RYR2: variants seen among roughly 807,000 people sequenced by gnomAD.
RYR2 encodes cardiac muscle ryanodine receptor-calcium release channel.
A neutral mutation model predicts 601.1 loss-of-function variants in RYR2; 227 were observed. The observed-to-expected ratio is 0.38, with a 90% CI of 0.34 to 0.42. RYR2 has a LOEUF of 0.42. Among genes scored for constraint, RYR2 ranks in the 10% least tolerant of loss-of-function variants. The pLI is 1.00. For missense variants in RYR2, 4,646 were observed against 6,156.5 expected (o/e 0.75, Z 8.21); for synonymous variants, 2,223 against 2,175.1 (o/e 1.02, Z -0.61).
chr1:237,783,922 G>A lies in RYR2; in HGVS notation c.12210G>A (p.Ala4070=), dbSNP rs757703714. The change falls in exon 90 of 105, where the codon GCG becomes GCA. Residue 4070 remains alanine (A), a synonymous_variant. Coordinates refer to ENST00000366574, the MANE Select transcript of RYR2 (RefSeq NM_001035.3). ...QSETEFLLSC[A]ETDENETLDY... is the part of the protein sequence containing the mutation. The stretch of plus-strand genomic sequence containing the variant: ...AAACGGAATTTCTTTTGTCTTGTGC[G>A]GAGACGGATGAGAATGAAACCCTCG... 24 of 1,613,320 alleles carry A rather than the reference G, an allele frequency of 1.5e-5. No homozygotes were observed. Among genetic ancestry groups the A allele is most frequent in the Non-Finnish European group, 1.9e-5 (22 of 1,179,604 alleles).
intron 2 of RYR2, among the ~76,000 whole-genome samples, chr1:237,321,527 C>T (rs534079132): frequency 7.9e-5 from 12 of 152,282 alleles, no homozygotes; most frequent in African/African-American, 2.4e-4. Context: ...TAGAGGATCA[C>T]TAGGTTCGAT....
intron 25 of RYR2, among the ~76,000 whole-genome samples, chr1:237,532,919 A>G (rs761099243): frequency 3.9e-5 from 6 of 152,216 alleles, no homozygotes; most frequent in Non-Finnish European, 7.4e-5. Context: ...CAAATGGGTT[A>G]ATACATGTCC....
intron 3 of RYR2, among the ~76,000 whole-genome samples, chr1:237,344,043 G>T (rs1433631287): frequency 6.6e-6 from 1 of 151,870 alleles, no homozygotes; most frequent in African/African-American, 2.4e-5. Context: ...GGCTGGTCTC[G>T]AACTCCTTAC....
chr1:237,755,388 T>G (rs1692866515), intron 80 of RYR2, among the ~76,000 whole-genome samples: 1 of 152,218 alleles, frequency 6.6e-6, no homozygotes. Context: ...CCGTTGTGTT[T>G]ATGGACATGA....
intron 14 of RYR2, among the ~76,000 whole-genome samples, chr1:237,447,615 C>T (rs1339113711): frequency 2.0e-5 from 3 of 152,024 alleles, no homozygotes; most frequent in Admixed American, 1.3e-4. Context: ...TATTTTCTTT[C>T]TTCTTGCCTT....
chr1:237,081,859 TC>T (rs1454630143), intron 1 of RYR2, among the ~76,000 whole-genome samples: 1 of 152,012 alleles, frequency 6.6e-6, no homozygotes, highest in African/African-American at 2.4e-5. Flanking sequence ...ATCCTCAAAC[TC>T]TTCTTTCTTT....
At chr1:237,322,936 A>G (rs1217962803) in intron 2 of RYR2, among the ~76,000 whole-genome samples, 1 of 151,908 alleles carries the variant, frequency 6.6e-6, no homozygotes, top group Non-Finnish European at 1.5e-5. Flanking sequence ...AGGAACTGCA[A>G]CAGTGTTTCA....
At chr1:237,374,916 T>A (rs1167730579) in intron 7 of RYR2, 121 bp downstream of exon 7, 21 of 746,550 alleles carry the variant, frequency 2.8e-5, no homozygotes, top group Non-Finnish European at 3.9e-5. Context: ...CAGGAAAGAA[T>A]GTTCTAATGA....
At chr1:237,608,887 A>T (rs1486085477) in intron 35 of RYR2, among the ~76,000 whole-genome samples, 1 of 143,090 alleles carries the variant, frequency 7.0e-6, no homozygotes, top group Admixed American at 7.6e-5. Flanking sequence ...TCTATTGACT[A>T]TTGACTTCTA....
At position 237,649,904 on chromosome 1, in the gene RYR2, T is replaced by C; in HGVS notation, c.7540T>C (p.Leu2514=). The C allele has an allele frequency of 6.2e-7, 1 of 1,613,994 alleles. No individual in the cohort carries two copies. The highest frequency in any genetic ancestry group is 1.3e-5 in the African/African-American group (1 of 75,072). The change falls in exon 50 of 105, where the codon TTG becomes CTG. Residue 2514 remains leucine, a synonymous_variant. Transcript: ENST00000366574. ...AGCTTTGAGTGCTACAGACATGGCC[T>C]TGGCCCTCAATCGGTACCTTTGCAC... ...TAALSATDMA[L]ALNRYLCTAV...
chr1:237,745,050 C>T (rs1183625803), intron 80 of RYR2, among the ~76,000 whole-genome samples: 1 of 152,092 alleles, frequency 6.6e-6, no homozygotes, highest in African/African-American at 2.4e-5. Flanking sequence ...ATCCACCCAT[C>T]TGGGCCTCCC....
intron 29 of RYR2, among the ~76,000 whole-genome samples, chr1:237,573,227 CACAT>C (rs1291566458): frequency 1.3e-5 from 1 of 74,818 alleles, no homozygotes; most frequent in Non-Finnish European, 3.3e-5. Context: ...TGGAGATATA[CACAT>C]ACACACACAC....
chr1:237,531,140 C>T (rs571302339), intron 25 of RYR2, among the ~76,000 whole-genome samples: 4 of 151,994 alleles, frequency 2.6e-5, no homozygotes, highest in Non-Finnish European at 5.9e-5. Flanking sequence ...CTACTTTCTG[C>T]CCAAAAATCT....
chr1:237,551,102 GAATT>G (rs1290092987), intron 27 of RYR2, among the ~76,000 whole-genome samples: 1 of 152,128 alleles, frequency 6.6e-6, no homozygotes, highest in African/African-American at 2.4e-5. Context: ...AGGCAACATT[GAATT>G]AATTAATGTG....
intron 2 of RYR2, among the ~76,000 whole-genome samples, chr1:237,295,085 G>A (rs551466982): frequency 6.6e-6 from 1 of 152,168 alleles, no homozygotes; most frequent in Admixed American, 6.5e-5. Context: ...GCGTGGCAGT[G>A]TGTGCCTGTA....
rs546374830 is a variant in RYR2 at position 237,319,805 on chromosome 1, C to T, written c.169-11073C>T. On this transcript the variant is annotated intron_variant, in intron 2 of 104. Transcript: ENST00000366574. The stretch of plus-strand genomic sequence containing the variant: ...AGGTGTCTTTCTTGTGCATGTGCAA[C>T]TTCAGTCAAAAATATACTGAGTTAG... Among the ~76,000 whole-genome samples the T allele has an allele frequency of 4.6e-5, 7 of 152,298 alleles. No homozygotes were observed. The South Asian group carries it at 6.2e-4, about 14-fold the overall frequency.
At chr1:237,563,188 A>G (rs1214422207) in intron 27 of RYR2, among the ~76,000 whole-genome samples, 1 of 152,112 alleles carries the variant, frequency 6.6e-6, no homozygotes, top group Non-Finnish European at 1.5e-5. Flanking sequence ...CTGGTGGATC[A>G]CCTGAGGCTC....
intron 56 of RYR2, among the ~76,000 whole-genome samples, chr1:237,664,813 G>A (rs576434540): frequency 6.6e-6 from 1 of 152,286 alleles, no homozygotes; most frequent in Non-Finnish European, 1.5e-5. Context: ...AAGACCATAG[G>A]AGTGCTGGGG....
chr1:237,069,080 T>C (rs1663995721), intron 1 of RYR2, among the ~76,000 whole-genome samples: 1 of 152,210 alleles, frequency 6.6e-6, no homozygotes, highest in Non-Finnish European at 1.5e-5. Flanking sequence ...TCTTGAACTG[T>C]GAATTGTTTA....
Sources: gnomAD v4.1 joint callset for allele counts (sites outside exome capture counted in the v4.1 genomes callset) on GRCh38, gnomAD v4.1.1 for gene constraint, MANE v1.5 for transcripts, NCBI Gene and HGNC (gene_info 2026-07-23, HGNC 2026-07-21) for gene names.